The following BCO1 variants were observed in gnomAD, a reference collection of about 807,000 sequenced individuals.
BCO1 encodes beta-carotene oxygenase 1.
BCO1 carries 54 observed loss-of-function variants against 56.3 expected under a neutral mutation model. The ratio of observed to expected loss-of-function variants is 0.96; its 90% CI spans 0.77 to 1.20. BCO1 has a LOEUF of 1.20. BCO1 is among the 50% of genes most tolerant of loss of function. The probability of loss-of-function intolerance (pLI) is 0.00; values close to 1 mark genes in which losing one functional copy is unlikely to be tolerated. For missense variants in BCO1, 801 were observed against 690.9 expected, an observed-to-expected ratio of 1.16 and a Z score of -1.79; for synonymous variants, 318 against 266.1, an observed-to-expected ratio of 1.20 and a Z score of -1.90.
At chr16:81,256,823 G>A (rs558494438) in intron 2 of BCO1, among the ~76,000 whole-genome samples, 1 of 152,088 alleles carries the variant, frequency 6.6e-6, no homozygotes, top group Non-Finnish European at 1.5e-5. Flanking sequence ...GAGACGTGGA[G>A]GTTACAGTGA....
intron 1 of BCO1, among the ~76,000 whole-genome samples, chr16:81,243,142 G>T (rs921903771): frequency 3.3e-5 from 5 of 152,136 alleles, no homozygotes; most frequent in African/African-American, 1.2e-4. Context: ...TTGGAGTGAT[G>T]AAATGTTCTG....
At chr16:81,287,110 G>T (rs1043400130) in intron 9 of BCO1, among the ~76,000 whole-genome samples, 185 bp from the exon 10 acceptor site, 2 of 152,112 alleles carry the variant, frequency 1.3e-5, no homozygotes. Context: ...ACTGGGGGAG[G>T]AGAGTTAGCT....
chr16:81,245,797 C>T (rs1414329394), intron 2 of BCO1, among the ~76,000 whole-genome samples, 194 bp downstream of exon 2: 4 of 150,502 alleles, frequency 2.7e-5, no homozygotes, highest in African/African-American at 4.9e-5. Flanking sequence ...CACGTTCTTC[C>T]GTTTTCTATC....
chr16:81,239,051 C>T, intron 1 of BCO1, 79 bp downstream of exon 1: 2 of 1,297,848 alleles, frequency 1.5e-6, no homozygotes, highest in Non-Finnish European at 1.1e-6. Flanking sequence ...GAGTCTCGCT[C>T]TGTCGCCCGG....
Position 81,290,703 on chromosome 16 carries a change from G to C in BCO1, c.*126G>C, listed in dbSNP as rs1164039559. 4 of 727,418 alleles carry C rather than the reference G, an allele frequency of 5.5e-6. No individual in the cohort carries two copies. The African/African-American group carries it at 7.1e-5, about 13-fold the overall frequency. The allele number at this position is 727,418 out of a possible 1,614,324, so 45.1% of individuals were successfully genotyped here. On this transcript the variant is annotated 3_prime_UTR_variant, in exon 11 of 11. Coordinates refer to ENST00000258168, the MANE Select transcript of BCO1 (RefSeq NM_017429.3). Reference sequence around the variant, plus strand: ...ATTCTTTCTGTGGGTGCTTTGACAAGGGCATGGCAAGAGAGCTTGTCAGTA... The same window carrying C: ...ATTCTTTCTGTGGGTGCTTTGACAACGGCATGGCAAGAGAGCTTGTCAGTA...
chr16:81,276,085 C>T (rs1907539254), intron 7 of BCO1, among the ~76,000 whole-genome samples: 1 of 152,212 alleles, frequency 6.6e-6, no homozygotes, highest in South Asian at 2.1e-4. Context: ...ATGACTGGAT[C>T]AGTGGGTTTG....
intron 3 of BCO1, among the ~76,000 whole-genome samples, chr16:81,260,776 T>A (rs1051366241): frequency 2.6e-5 from 4 of 152,226 alleles, no homozygotes; most frequent in Non-Finnish European, 5.9e-5. Flanking sequence ...CCCAAAGTGC[T>A]AGGATTACAG....
chr16:81,276,870 C>A (rs1056682974), intron 7 of BCO1, among the ~76,000 whole-genome samples: 15 of 151,380 alleles, frequency 9.9e-5, no homozygotes, highest in Non-Finnish European at 2.9e-5. Flanking sequence ...AGTTCAAGAC[C>A]AGCTTGGCCA....
At chr16:81,288,572 C>T (rs999615237) in intron 10 of BCO1, among the ~76,000 whole-genome samples, 6 of 152,202 alleles carry the variant, frequency 3.9e-5, no homozygotes, top group Admixed American at 2.6e-4. Flanking sequence ...GCCTGGATCC[C>T]GGATCCAAAT....
chr16:81,262,422 G>C, intron 4 of BCO1, 139 bp downstream of exon 4: 1 of 860,412 alleles, frequency 1.2e-6, no homozygotes, highest in Non-Finnish European at 1.9e-6. Flanking sequence ...CCGTGCCCTA[G>C]CGCCACACTT....
At chr16:81,270,631 C>G (rs1477086022) in intron 7 of BCO1, among the ~76,000 whole-genome samples, 3 of 151,274 alleles carry the variant, frequency 2.0e-5, no homozygotes, top group East Asian at 3.9e-4. Context: ...CCCTATAAAC[C>G]TACCACCGAA....
chr16:81,267,171 A>C (rs1379685593), intron 5 of BCO1, among the ~76,000 whole-genome samples: 1 of 152,140 alleles, frequency 6.6e-6, no homozygotes, highest in Non-Finnish European at 1.5e-5. Flanking sequence ...AATCCCTGAT[A>C]AAAGAGGAGG....
intron 2 of BCO1, among the ~76,000 whole-genome samples, chr16:81,246,619 G>C (rs554282634): frequency 6.6e-6 from 1 of 152,174 alleles, no homozygotes; most frequent in East Asian, 1.9e-4. Flanking sequence ...GGGAGGCCAA[G>C]GCAGGCAGAT....
intron 7 of BCO1, 71 bp downstream of exon 7, chr16:81,270,487 C>G (rs1487364141): frequency 1.0e-5 from 16 of 1,587,074 alleles, no homozygotes; most frequent in Non-Finnish European, 1.1e-5. Flanking sequence ...TACTTTGGCC[C>G]TTATTTGATT....
At chr16:81,270,010 C>A in intron 6 of BCO1, 149 bp from the exon 7 acceptor site, 2 of 985,262 alleles carry the variant, frequency 2.0e-6, no homozygotes, top group Non-Finnish European at 1.6e-6. Flanking sequence ...TTTTGCCTGT[C>A]TGGTGTTGTG....
chr16:81,265,565 C>G (rs896442571), intron 5 of BCO1, among the ~76,000 whole-genome samples: 1 of 145,372 alleles, frequency 6.9e-6, no homozygotes, highest in African/African-American at 2.5e-5. Context: ...ATCCATCCAT[C>G]CATTGAGCTT....
chr16:81,240,337 A>T (rs1905054721), intron 1 of BCO1, among the ~76,000 whole-genome samples: 1 of 152,190 alleles, frequency 6.6e-6, no homozygotes, highest in Non-Finnish European at 1.5e-5. Context: ...TTTTTCAAAA[A>T]GCAAATGTAT....
intron 7 of BCO1, among the ~76,000 whole-genome samples, chr16:81,280,397 GGT>G (rs1280250508): frequency 6.7e-6 from 1 of 149,098 alleles, no homozygotes. Context: ...TTTTTAATGT[GGT>G]TGAGCTCAGA....
At chr16:81,287,187 T>C in intron 9 of BCO1, 108 bp from the exon 10 acceptor site, 1 of 860,616 alleles carries the variant, frequency 1.2e-6, no homozygotes, top group South Asian at 1.4e-5. Context: ...AAAGTCTACA[T>C]CCGATGGGCT....
Sources: allele counts gnomAD v4.1 joint callset (sites outside exome capture counted in the v4.1 genomes callset), GRCh38; gene constraint gnomAD v4.1.1; transcripts MANE v1.5; gene names NCBI Gene and HGNC (gene_info 2026-07-23, HGNC 2026-07-21).